SEMA5A: variants seen among roughly 807,000 people sequenced by gnomAD.
SEMA5A encodes semaphorin 5A, also known as semaphorin-5A.
Under a neutral mutation model 135.5 loss-of-function variants are expected in SEMA5A, and 55 were observed. The ratio of observed to expected loss-of-function variants is 0.41; its 90% CI spans 0.33 to 0.51. The LOEUF (loss-of-function observed/expected upper bound fraction) is 0.51. Ranked by LOEUF, SEMA5A falls within the 20% of genes least tolerant of loss-of-function variation. The probability of loss-of-function intolerance (pLI) is 0.37; values close to 1 mark genes in which losing one functional copy is unlikely to be tolerated. For missense variants in SEMA5A, 1,290 were observed against 1,419.9 expected, an observed-to-expected ratio of 0.91 and a Z score of 1.47; for synonymous variants, 580 against 546.5, an observed-to-expected ratio of 1.06 and a Z score of -0.85.
intron 8 of SEMA5A, among the ~76,000 whole-genome samples, chr5:9,209,872 G>T (rs1746249032): frequency 6.6e-6 from 1 of 152,186 alleles, no homozygotes; most frequent in Non-Finnish European, 1.5e-5. Context: ...CATGATTTAT[G>T]CTCTAAACTG....
intron 5 of SEMA5A, among the ~76,000 whole-genome samples, chr5:9,282,807 A>G (rs751973017): frequency 1.4e-4 from 21 of 152,182 alleles, no homozygotes; most frequent in Non-Finnish European, 2.6e-4. Flanking sequence ...GGCAAAGTAG[A>G]GTCCCACTTT....
rs1422132414 is a variant in SEMA5A at position 9,122,745 on chromosome 5, G to A, written c.1692C>T (p.Leu564=). The part of the protein sequence containing the change: ...HTDGSAVGSC[L]CRTRSCDSPA... Reference sequence around the variant, plus strand: ...GGCTGTCGCAGGAGCGGGTTCGACAGAGGCAGGATCCCACGGCGCTGCCAT... The same window carrying A: ...GGCTGTCGCAGGAGCGGGTTCGACAAAGGCAGGATCCCACGGCGCTGCCAT... The change falls in exon 14 of 23, where the codon CTC becomes CTT. Residue 564 remains leucine, a synonymous_variant. Coordinates refer to ENST00000382496, the MANE Select transcript of SEMA5A (RefSeq NM_003966.3). The A allele has an allele frequency of 6.2e-7, 1 of 1,613,764 alleles. No individual in the cohort carries two copies. The highest frequency in any genetic ancestry group is 1.3e-5 in the African/African-American group (1 of 75,052).
intron 1 of SEMA5A, among the ~76,000 whole-genome samples, chr5:9,442,193 C>T (rs1758262083): frequency 6.6e-6 from 1 of 152,210 alleles, no homozygotes; most frequent in African/African-American, 2.4e-5. Flanking sequence ...CTTTAGGCCA[C>T]ACAGATAGTC....
chr5:9,041,925 G>A lies in SEMA5A; in HGVS notation c.*972C>T, dbSNP rs1735987778. The A allele has an allele frequency of 6.6e-6, 1 of 152,532 alleles. No individual in the cohort carries two copies. The highest frequency in any genetic ancestry group is 6.5e-5 in the Admixed American group (1 of 15,284). 9.4% of individuals were successfully genotyped at this position (152,532 alleles called of 1,614,324 possible). The stretch of plus-strand genomic sequence containing the variant: ...TTCAATATTTTCAATAACATAAAAA[G>A]TTGCTTTTAGTTATAATTTAGTATT... On this transcript the variant is annotated 3_prime_UTR_variant, in exon 23 of 23. Coordinates refer to ENST00000382496, the MANE Select transcript of SEMA5A (RefSeq NM_003966.3).
intron 8 of SEMA5A, among the ~76,000 whole-genome samples, chr5:9,202,880 G>A (rs1315324053): frequency 2.0e-5 from 3 of 152,130 alleles, no homozygotes; most frequent in Non-Finnish European, 4.4e-5. Context: ...CTTATTTCTG[G>A]TTTGCTGGGT....
At chr5:9,451,176 C>G (rs983732989) in intron 1 of SEMA5A, among the ~76,000 whole-genome samples, 2 of 152,290 alleles carry the variant, frequency 1.3e-5, no homozygotes, top group African/African-American at 4.8e-5. Flanking sequence ...CAGCAGACAT[C>G]TAGCCACTCT....
intron 1 of SEMA5A, among the ~76,000 whole-genome samples, chr5:9,470,486 G>T (rs1759436514): frequency 6.6e-6 from 1 of 152,140 alleles, no homozygotes; most frequent in African/African-American, 2.4e-5. Context: ...ATATGCAAAG[G>T]TAAGGGTAAC....
chr5:9,226,099 ACACCCCTTAT>A (rs1218127812), intron 7 of SEMA5A, among the ~76,000 whole-genome samples: 1 of 152,150 alleles, frequency 6.6e-6, no homozygotes, highest in East Asian at 1.9e-4. Context: ...CCTGAGTTTC[ACACCCCTTAT>A]CATCCAACTC....
chr5:9,420,237 T>C (rs1757418642), intron 2 of SEMA5A, among the ~76,000 whole-genome samples: 1 of 152,124 alleles, frequency 6.6e-6, no homozygotes, highest in South Asian at 2.1e-4. Flanking sequence ...AGAGTGGTGC[T>C]AGTGGGCTGT....
intron 14 of SEMA5A, among the ~76,000 whole-genome samples, chr5:9,121,851 G>C (rs1740829069): frequency 6.6e-6 from 1 of 152,054 alleles, no homozygotes; most frequent in Non-Finnish European, 1.5e-5. Flanking sequence ...TGCATGACCT[G>C]GGCTCTCCTA....
At chr5:9,286,485 G>A (rs1750803370) in intron 5 of SEMA5A, among the ~76,000 whole-genome samples, 1 of 151,920 alleles carries the variant, frequency 6.6e-6, no homozygotes, top group South Asian at 2.1e-4. Context: ...TGCTGATTGA[G>A]TTTGACTTCC....
At position 9,318,400 on chromosome 5, in the gene SEMA5A, A is replaced by C. The variant is rs1442224419; in HGVS notation, c.242T>G (p.Leu81Ter). ...GATAAGAGACAGATCCTCAAGCTGTAACCTGAAGAGGTAGTTTCTGCAAAA... is the reference window on the plus strand; with the variant it reads ...GATAAGAGACAGATCCTCAAGCTGTCACCTGAAGAGGTAGTTTCTGCAAAA... ...VVGARNYLFR[L>*]QLEDLSLIQA... Residue 81 changes from leucine (L) to a stop codon, truncating the protein, a stop_gained, in exon 5 of 23, where the codon TTA (leucine) becomes TGA (stop). Coordinates refer to ENST00000382496, the MANE Select transcript of SEMA5A (RefSeq NM_003966.3). LOFTEE classifies it high-confidence loss of function. 1 of 1,612,878 alleles carries C rather than the reference A, an allele frequency of 6.2e-7. No individual in the cohort carries two copies. The highest frequency in any genetic ancestry group is 1.7e-5 in the Admixed American group (1 of 59,866).
chr5:9,532,558 G>T (rs1309840934), intron 1 of SEMA5A, among the ~76,000 whole-genome samples: 2 of 151,646 alleles, frequency 1.3e-5, no homozygotes, highest in East Asian at 1.9e-4. Context: ...AAAGTGCTGG[G>T]ATTACAGGCA....
In SEMA5A at chr5:9,133,312, A is replaced by G. The variant is rs181182295; in HGVS notation, c.1599+3192T>C. ...AGAAAGAGATGTATAGTTAGATAAT[A>G]TGAATTTCTCATTTTCAAAATGGTA... On this transcript the variant is annotated intron_variant, in intron 13 of 22. Transcript: ENST00000382496. Among the ~76,000 whole-genome samples the G allele has an allele frequency of 6.1e-4, 93 of 152,348 alleles. 1 individual carries two copies. Among genetic ancestry groups the G allele is most frequent in the African/African-American group, 2.2e-3 (90 of 41,592 alleles).
chr5:9,202,292 T>C (rs536369312), intron 8 of SEMA5A, 52 bp from the exon 9 acceptor site: 1 of 1,579,512 alleles, frequency 6.3e-7, no homozygotes, highest in South Asian at 1.2e-5. Flanking sequence ...GTCATTCCCT[T>C]TTGGTCTTGC....
intron 5 of SEMA5A, among the ~76,000 whole-genome samples, chr5:9,298,037 G>A (rs971218164): frequency 2.0e-5 from 3 of 152,150 alleles, no homozygotes; most frequent in Non-Finnish European, 4.4e-5. Context: ...TTATACTAAT[G>A]TCATTATGAC....
chr5:9,492,542 C>T (rs1735073907), intron 1 of SEMA5A, among the ~76,000 whole-genome samples: 1 of 152,152 alleles, frequency 6.6e-6, no homozygotes, highest in Admixed American at 6.6e-5. Flanking sequence ...ACCAGACAAC[C>T]CAACATCCAT....
At chr5:9,328,338 A>C (rs970068784) in intron 4 of SEMA5A, among the ~76,000 whole-genome samples, 9 of 152,236 alleles carry the variant, frequency 5.9e-5, no homozygotes, top group Admixed American at 5.2e-4. Context: ...TGCCTAGTGC[A>C]TCCTGCACAC....
At chr5:9,434,194 A>G (rs1272948037) in intron 2 of SEMA5A, among the ~76,000 whole-genome samples, 1 of 152,202 alleles carries the variant, frequency 6.6e-6, no homozygotes, top group Non-Finnish European at 1.5e-5. Context: ...CATTAAAACA[A>G]GGGTTTTTTC....
Sources: gnomAD v4.1 joint callset for allele counts (sites outside exome capture counted in the v4.1 genomes callset) on GRCh38, gnomAD v4.1.1 for gene constraint, MANE v1.5 for transcripts, NCBI Gene and HGNC (gene_info 2026-07-23, HGNC 2026-07-21) for gene names.